Variants in CDK14 observed in about 807,000 individuals in gnomAD.
CDK14 encodes the protein cyclin-dependent kinase 14.
CDK14 carries 34 observed loss-of-function variants against 60.7 expected under a neutral mutation model. The ratio of observed to expected loss-of-function variants is 0.56; its 90% CI spans 0.43 to 0.75. The LOEUF (loss-of-function observed/expected upper bound fraction) is 0.75. Ranked by LOEUF, CDK14 falls within the 30% of genes least tolerant of loss-of-function variation. CDK14 has a pLI of 0.00. For missense variants in CDK14, 482 were observed against 564.1 expected, an observed-to-expected ratio of 0.85 and a Z score of 1.47; for synonymous variants, 197 against 203.7, an observed-to-expected ratio of 0.97 and a Z score of 0.28.
chr7:90,968,766 G>A (rs1794832320), intron 9 of CDK14, among the ~76,000 whole-genome samples: 1 of 151,372 alleles, frequency 6.6e-6, no homozygotes, highest in South Asian at 2.1e-4. Flanking sequence ...GAAATTAGAG[G>A]TGTTTGTTTT....
intron 14 of CDK14, among the ~76,000 whole-genome samples, chr7:91,130,601 A>G (rs1562917443): frequency 6.6e-6 from 1 of 152,120 alleles, no homozygotes; most frequent in Non-Finnish European, 1.5e-5. Context: ...TTTTTGCTAT[A>G]TGAAATGATT....
At chr7:91,028,231 A>T (rs1395832009) in intron 10 of CDK14, among the ~76,000 whole-genome samples, 2 of 151,460 alleles carry the variant, frequency 1.3e-5, no homozygotes, top group East Asian at 2.0e-4. Flanking sequence ...ACATTATTTT[A>T]TTCTTTGTAT....
At chr7:91,159,888 G>A (rs1264154639) in intron 14 of CDK14, among the ~76,000 whole-genome samples, 11 of 152,144 alleles carry the variant, frequency 7.2e-5, no homozygotes, top group Non-Finnish European at 4.4e-5. Flanking sequence ...GTAGTGGCAC[G>A]GCAATAGAGC....
chr7:90,677,644 A>C (rs535754870), intron 2 of CDK14, among the ~76,000 whole-genome samples: 1 of 151,690 alleles, frequency 6.6e-6, no homozygotes, highest in South Asian at 2.1e-4. Flanking sequence ...TTTTCCTGGA[A>C]GCTGTTTTTT....
chr7:91,013,836 G>C (rs1796231910), intron 10 of CDK14, among the ~76,000 whole-genome samples: 1 of 151,864 alleles, frequency 6.6e-6, no homozygotes, highest in Non-Finnish European at 1.5e-5. Flanking sequence ...AGGTTTTTTA[G>C]CTTTGCACAG....
chr7:90,833,688 G>A (rs1479489725), intron 5 of CDK14, among the ~76,000 whole-genome samples: 1 of 152,126 alleles, frequency 6.6e-6, no homozygotes, highest in Non-Finnish European at 1.5e-5. Context: ...AGTATTGCAA[G>A]GTTTATTTTA....
chr7:91,112,443 A>G (rs1312758657), intron 12 of CDK14, 99 bp from the exon 13 acceptor site: 1 of 1,303,708 alleles, frequency 7.7e-7, no homozygotes, highest in Non-Finnish European at 1.1e-6. Flanking sequence ...TTTTCTAGCC[A>G]GGAATAAATT....
chr7:91,107,121 G>C (rs1425451288), intron 12 of CDK14, among the ~76,000 whole-genome samples: 2 of 152,190 alleles, frequency 1.3e-5, no homozygotes, highest in Non-Finnish European at 2.9e-5. Flanking sequence ...TGCTTTTCAG[G>C]AGGTTCATTT....
chr7:91,043,034 A>G (rs1332460213), intron 10 of CDK14, among the ~76,000 whole-genome samples: 3 of 152,190 alleles, frequency 2.0e-5, no homozygotes, highest in African/African-American at 7.2e-5. Flanking sequence ...TAAATGGTTC[A>G]GGGTTGTAAG....
chr7:91,066,908 A>G (rs1214295765), intron 11 of CDK14, among the ~76,000 whole-genome samples: 1 of 152,188 alleles, frequency 6.6e-6, no homozygotes, highest in Non-Finnish European at 1.5e-5. Flanking sequence ...GAGAAGGTGA[A>G]AATCAGCCTG....
At chr7:91,017,900 C>CTT (rs1341131097) in intron 10 of CDK14, among the ~76,000 whole-genome samples, 1 of 152,116 alleles carries the variant, frequency 6.6e-6, no homozygotes, top group African/African-American at 2.4e-5. Context: ...GGCTGCAAAC[C>CTT]AGCTTCATCC....
chr7:90,959,972 A>T (rs753941201), intron 9 of CDK14, among the ~76,000 whole-genome samples: 3 of 152,170 alleles, frequency 2.0e-5, no homozygotes, highest in Non-Finnish European at 2.9e-5. Flanking sequence ...ACTCTGTGAA[A>T]GTCAAGGCAT....
chr7:90,983,798 A>T (rs909773789), intron 9 of CDK14, among the ~76,000 whole-genome samples: 1 of 152,204 alleles, frequency 6.6e-6, no homozygotes. Context: ...GTTGTCATTC[A>T]TAAGTGGGAG....
chr7:90,904,470 A>G (rs1792627617), intron 7 of CDK14, among the ~76,000 whole-genome samples: 1 of 152,148 alleles, frequency 6.6e-6, no homozygotes, highest in Non-Finnish European at 1.5e-5. Context: ...AGACAACACA[A>G]AGGAGCTCTT....
At chr7:90,766,478 C>T (rs916643174) in intron 4 of CDK14, among the ~76,000 whole-genome samples, 9 of 152,098 alleles carry the variant, frequency 5.9e-5, no homozygotes, top group African/African-American at 2.2e-4. Context: ...CCTTATTTTA[C>T]GGGTGAAGAA....
intron 10 of CDK14, among the ~76,000 whole-genome samples, chr7:90,994,532 C>T (rs901572713): frequency 2.0e-5 from 3 of 152,192 alleles, no homozygotes; most frequent in African/African-American, 7.2e-5. Context: ...CAAGCTGCCA[C>T]ACTGACCATG....
At chr7:91,121,759 T>C (rs1242862975) in intron 14 of CDK14, among the ~76,000 whole-genome samples, 1 of 152,212 alleles carries the variant, frequency 6.6e-6, no homozygotes, top group African/African-American at 2.4e-5. Context: ...TTAGTAAAGA[T>C]TTCATAGATT....
chr7:90,972,507 T>C (rs1794959954), intron 9 of CDK14, among the ~76,000 whole-genome samples: 1 of 152,232 alleles, frequency 6.6e-6, no homozygotes, highest in African/African-American at 2.4e-5. Flanking sequence ...TTTACATATA[T>C]ATACATTCCT....
intron 8 of CDK14, among the ~76,000 whole-genome samples, chr7:90,940,967 G>A (rs977250196): frequency 3.9e-5 from 6 of 152,128 alleles, no homozygotes; most frequent in African/African-American, 1.4e-4. Flanking sequence ...TTAACTCAAT[G>A]AACACATTAC....
Sources: gnomAD v4.1 joint callset for allele counts (sites outside exome capture counted in the v4.1 genomes callset) on GRCh38, gnomAD v4.1.1 for gene constraint, MANE v1.5 for transcripts, NCBI Gene and HGNC (gene_info 2026-07-23, HGNC 2026-07-21) for gene names.